Variants in KCNJ12 observed in about 807,000 individuals in gnomAD.
KCNJ12 encodes potassium inwardly rectifying channel subfamily J member 12.
KCNJ12 carries 2 observed loss-of-function variants against 22.3 expected under a neutral mutation model. The observed-to-expected ratio is 0.09, with a 90% CI of 0.04 to 0.28. KCNJ12 has a LOEUF of 0.28. KCNJ12 is among the 10% of genes least tolerant of loss of function. The pLI is 1.00. For synonymous variants in KCNJ12, 117 were observed against 261.4 expected (o/e 0.45, Z 5.33); for missense variants, 155 against 633.3 (o/e 0.24, Z 8.11).
chr17:21,379,129 G>GA (rs1439178433), intron 1 of KCNJ12, among the ~76,000 whole-genome samples: 35 of 152,348 alleles, frequency 2.3e-4, no homozygotes, highest in African/African-American at 7.9e-4. Context: ...AAATAATAAT[G>GA]ACAGCAGTGA....
At chr17:21,387,440 C>CAAAA (rs782125409) in intron 1 of KCNJ12, among the ~76,000 whole-genome samples, 21 of 36,426 alleles carry the variant, frequency 5.8e-4, no homozygotes, top group Non-Finnish European at 8.1e-4. Context: ...GACTCTATCT[C>CAAAA]AAAAAAAAAA....
intron 1 of KCNJ12, among the ~76,000 whole-genome samples, chr17:21,398,128 T>C (rs4985853): frequency 0.12 from 17,729 of 151,962 alleles, 1,158 homozygotes; most frequent in African/African-American, 0.14. Flanking sequence ...TGTCCATGCC[T>C]GTGTACATAT....
At chr17:21,387,440 CAAAAAAA>C (rs782125409) in intron 1 of KCNJ12, among the ~76,000 whole-genome samples, 435 of 36,518 alleles carry the variant, frequency 0.012, 4 homozygotes, top group African/African-American at 0.035. Context: ...GACTCTATCT[CAAAAAAA>C]AAAAAAAAAA....
intron 1 of KCNJ12, among the ~76,000 whole-genome samples, chr17:21,406,455 T>C (rs1905943369): frequency 6.6e-6 from 1 of 152,310 alleles, no homozygotes; most frequent in Non-Finnish European, 1.5e-5. Flanking sequence ...CCATCAGTTT[T>C]GAGGATGGAA....
chr17:21,407,006 T>C (rs1366955960), intron 1 of KCNJ12, among the ~76,000 whole-genome samples: 1 of 152,288 alleles, frequency 6.6e-6, no homozygotes, highest in East Asian at 1.9e-4. Flanking sequence ...GCAGGGACCA[T>C]GTAGGATGTA....
At chr17:21,381,198 C>T (rs1420237778) in intron 1 of KCNJ12, among the ~76,000 whole-genome samples, 1 of 152,198 alleles carries the variant, frequency 6.6e-6, no homozygotes, top group African/African-American at 2.4e-5. Context: ...ACTGAGCCCT[C>T]CCTCCTGCTT....
chr17:21,390,012 A>T (rs1905170459), intron 1 of KCNJ12, among the ~76,000 whole-genome samples: 1 of 151,790 alleles, frequency 6.6e-6, no homozygotes, highest in Non-Finnish European at 1.5e-5. Context: ...CTCATTCCAG[A>T]ACCTTCTCTC....
chr17:21,400,038 C>T (rs569779746), intron 1 of KCNJ12, among the ~76,000 whole-genome samples: 4 of 152,316 alleles, frequency 2.6e-5, no homozygotes, highest in African/African-American at 7.2e-5. Context: ...CGCTCGCTAC[C>T]GTCTAGCTGT....
chr17:21,416,801 G>C lies in KCNJ12; in HGVS notation c.*157G>C, dbSNP rs1238990132. ...ATGTTTCTTTGCAACGGCCTCAGAA[G>C]TTTGGCCGGAGAGGGGGCAGCCAGA... On this transcript the variant is annotated 3_prime_UTR_variant, in exon 3 of 3. Coordinates refer to ENST00000583088, the MANE Select transcript of KCNJ12 (RefSeq NM_021012.5). 2 of 1,351,902 alleles carry C rather than the reference G, an allele frequency of 1.5e-6. No individual in the cohort carries two copies. The highest frequency in any genetic ancestry group is 2.0e-6 in the Non-Finnish European group (2 of 1,012,538). The allele number at this position is 1,351,902 out of a possible 1,614,324, so 83.7% of individuals were successfully genotyped here. A position where few individuals can be genotyped will look rare whatever the true frequency, so the allele number is the denominator to read the frequency against.
At position 21,381,611 on chromosome 17, in the gene KCNJ12, A is replaced by G. The variant is rs180858799; in HGVS notation, c.-179+4698A>G. Among the ~76,000 whole-genome samples the G allele has an allele frequency of 2.6e-5, 4 of 151,608 alleles. No homozygotes were observed. In the East Asian group the frequency reaches 7.8e-4, roughly 29 times the overall value. Reference sequence around the variant, plus strand: ...CAGATCTCTGCACGGCCCCTCCCTTACCGCTTTCATGTCTTGCCCAGATGC... The same window carrying G: ...CAGATCTCTGCACGGCCCCTCCCTTGCCGCTTTCATGTCTTGCCCAGATGC... On this transcript the variant is annotated intron_variant, in intron 1 of 2. Transcript: ENST00000583088.
At chr17:21,408,110 C>G (rs1446548634) in intron 1 of KCNJ12, among the ~76,000 whole-genome samples, 3 of 152,306 alleles carry the variant, frequency 2.0e-5, no homozygotes, top group Non-Finnish European at 4.4e-5. Context: ...GCTGGGAGTA[C>G]AGGCTGAGGG....
At chr17:21,389,435 G>A (rs1010086785) in intron 1 of KCNJ12, among the ~76,000 whole-genome samples, 2 of 152,230 alleles carry the variant, frequency 1.3e-5, no homozygotes, top group Admixed American at 6.5e-5. Context: ...ACCACATCCC[G>A]GAGCCCTGGC....
At chr17:21,378,190 C>T (rs2144754420) in intron 1 of KCNJ12, among the ~76,000 whole-genome samples, 1 of 152,360 alleles carries the variant, frequency 6.6e-6, no homozygotes, top group African/African-American at 2.4e-5. Flanking sequence ...CCCCAGCCTC[C>T]CTCGCGCTGC....
At chr17:21,402,457 G>T (rs528220233) in intron 1 of KCNJ12, among the ~76,000 whole-genome samples, 1 of 152,312 alleles carries the variant, frequency 6.6e-6, no homozygotes, top group Non-Finnish European at 1.5e-5. Context: ...TCAATGCTGA[G>T]TGTGATTCTG....
At position 21,417,093 on chromosome 17, in the gene KCNJ12, T is replaced by C. The variant is rs201692849; in HGVS notation, c.*449T>C. ...TGAGACTGTTTACAAAAAAAAAAAA[T>C]TACCATGCAATTGAAAAAATTTTTT... On this transcript the variant is annotated 3_prime_UTR_variant, in exon 3 of 3. Coordinates refer to ENST00000583088, the MANE Select transcript of KCNJ12 (RefSeq NM_021012.5). 1 of 182,540 alleles carries C rather than the reference T, an allele frequency of 5.5e-6. No individual in the cohort carries two copies. Among genetic ancestry groups the C allele is most frequent in the Non-Finnish European group, 1.2e-5 (1 of 80,170 alleles). 11.3% of individuals were successfully genotyped at this position (182,540 alleles called of 1,614,324 possible).
intron 1 of KCNJ12, among the ~76,000 whole-genome samples, chr17:21,385,342 G>A (rs559406919): frequency 6.6e-6 from 1 of 152,296 alleles, no homozygotes; most frequent in East Asian, 1.9e-4. Context: ...AAATGGGGAG[G>A]CAGTCCATTC....
intron 1 of KCNJ12, among the ~76,000 whole-genome samples, chr17:21,390,022 C>T (rs1375323344): frequency 6.6e-6 from 1 of 152,142 alleles, no homozygotes; most frequent in Admixed American, 6.5e-5. Context: ...AACCTTCTCT[C>T]TCTTTCTCGG....
At chr17:21,405,882 C>A (rs1429845954) in intron 1 of KCNJ12, among the ~76,000 whole-genome samples, 4 of 152,306 alleles carry the variant, frequency 2.6e-5, no homozygotes, top group African/African-American at 9.6e-5. Flanking sequence ...AAAGTCTCTT[C>A]TCTGCTCTAC....
intron 1 of KCNJ12, among the ~76,000 whole-genome samples, chr17:21,387,770 C>G (rs1489651301): frequency 1.3e-5 from 2 of 152,208 alleles, no homozygotes; most frequent in Non-Finnish European, 2.9e-5. Flanking sequence ...GGTTTCCCTC[C>G]AACCCTCAGC....
Sources: gnomAD v4.1 joint callset for allele counts (sites outside exome capture counted in the v4.1 genomes callset) on GRCh38, gnomAD v4.1.1 for gene constraint, MANE v1.5 for transcripts, NCBI Gene and HGNC (gene_info 2026-07-23, HGNC 2026-07-21) for gene names.